HIRA: variants seen among roughly 807,000 people sequenced by gnomAD.
HIRA encodes the protein protein HIRA.
Under a neutral mutation model 126.6 loss-of-function variants are expected in HIRA, and 13 were observed. The ratio of observed to expected loss-of-function variants is 0.10; its 90% CI spans 0.07 to 0.16. The LOEUF (loss-of-function observed/expected upper bound fraction) is 0.16. HIRA is among the 10% of genes least tolerant of loss of function. The pLI, the probability that HIRA is intolerant of heterozygous loss-of-function variation, is 1.00. For synonymous variants in HIRA, 511 were observed against 520.0 expected, an observed-to-expected ratio of 0.98 and a Z score of 0.24; for missense variants, 834 against 1,314.4, an observed-to-expected ratio of 0.63 and a Z score of 5.65.
intron 1 of HIRA, among the ~76,000 whole-genome samples, chr22:19,421,439 A>G (rs1488076524): frequency 6.6e-6 from 1 of 152,250 alleles, no homozygotes; most frequent in East Asian, 1.9e-4. Flanking sequence ...AGTCTTAAAA[A>G]AATTCAGACA....
intron 15 of HIRA, among the ~76,000 whole-genome samples, chr22:19,370,662 T>C (rs1339394565): frequency 6.6e-6 from 1 of 152,206 alleles, no homozygotes; most frequent in Non-Finnish European, 1.5e-5. Flanking sequence ...TTAAAGATAC[T>C]GGGACTTGTT....
intron 1 of HIRA, among the ~76,000 whole-genome samples, chr22:19,430,438 C>A (rs905060102): frequency 3.3e-5 from 5 of 152,130 alleles, no homozygotes; most frequent in Non-Finnish European, 5.9e-5. Context: ...AACGAAAAAG[C>A]CACATGTTAA....
intron 13 of HIRA, among the ~76,000 whole-genome samples, chr22:19,379,066 C>T (rs991001628): frequency 3.3e-5 from 5 of 151,726 alleles, no homozygotes; most frequent in East Asian, 2.0e-4. Context: ...TCTCTCCCGC[C>T]GCCCAGGCTG....
intron 11 of HIRA, among the ~76,000 whole-genome samples, chr22:19,386,654 G>A (rs1741356326): frequency 6.6e-6 from 1 of 152,176 alleles, no homozygotes; most frequent in South Asian, 2.1e-4. Flanking sequence ...TCAGTGTTTG[G>A]CCAGGGTTTC....
intron 12 of HIRA, among the ~76,000 whole-genome samples, 154 bp downstream of exon 12, chr22:19,385,367 C>A (rs919086716): frequency 3.9e-5 from 6 of 152,376 alleles, no homozygotes; most frequent in Middle Eastern, 6.8e-3. Flanking sequence ...CATCATGCAG[C>A]AGTGGGCAAG....
intron 8 of HIRA, 103 bp from the exon 9 acceptor site, chr22:19,392,317 C>G (rs1433672405): frequency 7.8e-6 from 5 of 643,664 alleles, no homozygotes; most frequent in Non-Finnish European, 1.1e-5. Context: ...CAGACATTCT[C>G]TGAGCCCAGG....
rs534714031 is a variant in HIRA at position 19,364,085 on chromosome 22, C to A, written c.1776-2154G>T. 2.1e-4 allele frequency among the ~76,000 whole-genome samples: 32 copies of A among 151,574 alleles called. 1 individual carries two copies. The highest frequency in any genetic ancestry group is 7.5e-4 in the African/African-American group (31 of 41,278). On this transcript the variant is annotated intron_variant, in intron 15 of 24. Transcript: ENST00000263208. ...GGATGCTATGGGTATGTTGGGGAGG[C>A]GGGCATGTGGGAACTCTTTGTATTT...
intron 24 of HIRA, among the ~76,000 whole-genome samples, chr22:19,349,249 A>C (rs2146184464): frequency 6.6e-6 from 1 of 151,692 alleles, no homozygotes; most frequent in African/African-American, 2.4e-5. Flanking sequence ...GGATTACAGG[A>C]GTGTGCCACC....
rs529132533 is a variant in HIRA at position 19,409,855 on chromosome 22, C to T, written c.100+861G>A. ...TCTCTCTCATGTGCTGCACCTCCTC[C>T]TCTCGGGTGCAGTCCACAGCATGGA... is the stretch of plus-strand genomic sequence containing the variant. On this transcript the variant is annotated intron_variant, in intron 2 of 24. Coordinates refer to ENST00000263208, the MANE Select transcript of HIRA (RefSeq NM_003325.4). 1.2e-3 allele frequency among the ~76,000 whole-genome samples: 182 copies of T among 152,304 alleles called. 1 individual carries two copies. The highest frequency in any genetic ancestry group is 4.3e-3 in the African/African-American group (178 of 41,574).
rs889524783 is a variant in HIRA, at chr22:19,431,667, GGCC to G, written c.-194_-192del. 2.6e-4 allele frequency: 130 copies of G among 492,092 alleles called. No homozygotes were observed. Among genetic ancestry groups the G allele is most frequent in the East Asian group, 8.4e-4 (17 of 20,332 alleles). 30.5% of individuals were successfully genotyped at this position (492,092 alleles called of 1,614,324 possible). On this transcript the variant is annotated 5_prime_UTR_variant, in exon 1 of 25. Transcript: ENST00000263208. ...GCCGCCACAGCCGCCACCCGCGCTC[GGCC>G]GCCGCCGCCGCCACCACAGCCGCAT...
chr22:19,390,056 C>T (rs1405861887), intron 9 of HIRA, among the ~76,000 whole-genome samples: 1 of 152,032 alleles, frequency 6.6e-6, no homozygotes, highest in Non-Finnish European at 1.5e-5. Flanking sequence ...TATATTGGCA[C>T]CTTGATGCTC....
intron 1 of HIRA, among the ~76,000 whole-genome samples, chr22:19,428,505 A>C (rs955802078): frequency 6.6e-6 from 1 of 152,212 alleles, no homozygotes; most frequent in Non-Finnish European, 1.5e-5. Context: ...TCAGCCAAGA[A>C]AATGAAGACC....
rs569636941 is a variant in HIRA, at chr22:19,344,718, C to T, written c.2937+6640G>A. Among the ~76,000 whole-genome samples the T allele has an allele frequency of 3.3e-5, 5 of 152,186 alleles. No individual in the cohort carries two copies. In the South Asian group the frequency reaches 1.0e-3, roughly 32 times the overall value. On this transcript the variant is annotated intron_variant, in intron 24 of 24. Transcript: ENST00000263208. The stretch of plus-strand genomic sequence containing the variant: ...GATCAATATCCTTTGTAAACAGTGA[C>T]CCAAAAATCCTCAACAAAATGCCAG...
chr22:19,361,810 G>C lies in HIRA; in HGVS notation c.1897C>G (p.Leu633Val), dbSNP rs2088866633. 6.2e-7 allele frequency: 1 copy of C among 1,613,986 alleles called. No homozygotes were observed. Among genetic ancestry groups the C allele is most frequent in the Non-Finnish European group, 8.5e-7 (1 of 1,180,038 alleles). The stretch of plus-strand genomic sequence containing the variant: ...TTCTTCTCTACTGTCTCTACCTCAA[G>C]CTCAAGTTTTCGCTTGGACAGTGAG... ...ASSLSKRKLE[L>V]EVETVEKKKK... The change falls in exon 16 of 25, where the codon CTT becomes GTT. Residue 633 changes from leucine (L) to valine (V), a missense_variant. Leu to Val is a conservative substitution (Grantham distance 32, BLOSUM62 1). Coordinates refer to ENST00000263208, the MANE Select transcript of HIRA (RefSeq NM_003325.4).
At chr22:19,398,237 T>C in intron 5 of HIRA, 150 bp from the exon 6 acceptor site, 6 of 622,356 alleles carry the variant, frequency 9.6e-6, no homozygotes, top group Non-Finnish European at 1.4e-5. Flanking sequence ...AATTTTTCAA[T>C]TGGTCATAAA....
intron 21 of HIRA, 141 bp from the exon 22 acceptor site, chr22:19,354,259 C>CT (rs782630830): frequency 1.5e-4 from 117 of 774,842 alleles, no homozygotes; most frequent in South Asian, 7.7e-4. Context: ...CTGAGCGCCC[C>CT]TGCACTTCCG....
chr22:19,375,921 A>C, intron 14 of HIRA, 129 bp from the exon 15 acceptor site: 14 of 980,096 alleles, frequency 1.4e-5, no homozygotes, highest in Non-Finnish European at 2.1e-5. Flanking sequence ...AAAAAATGTC[A>C]AGATACAATC....
chr22:19,431,154 G>T (rs2089533894), intron 1 of HIRA, among the ~76,000 whole-genome samples: 1 of 152,204 alleles, frequency 6.6e-6, no homozygotes, highest in Non-Finnish European at 1.5e-5. Context: ...GCCCGCTCCT[G>T]GGAGCCAGGC....
chr22:19,383,628 C>T lies in HIRA; in HGVS notation c.1407G>A (p.Leu469=). The change falls in exon 13 of 25, where the codon CTG becomes CTA. Residue 469 remains leucine (L), a synonymous_variant. Coordinates refer to ENST00000263208, the MANE Select transcript of HIRA (RefSeq NM_003325.4). ...GGGGAATGAACCAGTACCCAGTGTCCAGCTGTGCTATGCAGAGAGGCGTGA... is the reference window on the plus strand; with the variant it reads ...GGGGAATGAACCAGTACCCAGTGTCTAGCTGTGCTATGCAGAGAGGCGTGA... ...RRITPLCIAQ[L]DTGDFSTAFF... The T allele has an allele frequency of 6.2e-7, 1 of 1,612,992 alleles. No individual in the cohort carries two copies. The highest frequency in any genetic ancestry group is 8.5e-7 in the Non-Finnish European group (1 of 1,178,954).
Sources: allele counts gnomAD v4.1 joint callset (sites outside exome capture counted in the v4.1 genomes callset), GRCh38; gene constraint gnomAD v4.1.1; transcripts MANE v1.5; gene names NCBI Gene and HGNC (gene_info 2026-07-23, HGNC 2026-07-21).